The following IMMP2L variants were observed in gnomAD, a reference collection of about 807,000 sequenced individuals.
IMMP2L encodes mitochondrial inner membrane protease subunit 2.
A neutral mutation model predicts 19.3 loss-of-function variants in IMMP2L; 18 were observed. That is an observed-to-expected ratio of 0.93 (90% confidence interval 0.64 to 1.38). The LOEUF (loss-of-function observed/expected upper bound fraction) is 1.38. Ranked by LOEUF, IMMP2L falls within the 40% of genes most tolerant of loss-of-function variation. The pLI is 0.00. For synonymous variants in IMMP2L, 76 were observed against 73.0 expected (o/e 1.04, Z -0.21); for missense variants, 233 against 218.2 (o/e 1.07, Z -0.43).
At chr7:110,699,738 A>C (rs1357694415) in intron 5 of IMMP2L, among the ~76,000 whole-genome samples, 1 of 148,214 alleles carries the variant, frequency 6.7e-6, no homozygotes, top group Middle Eastern at 3.2e-3. Context: ...ACTGCACTTC[A>C]GTCTGGGTGA....
chr7:111,178,308 A>G (rs962592022), intron 3 of IMMP2L, among the ~76,000 whole-genome samples: 1 of 152,102 alleles, frequency 6.6e-6, no homozygotes, highest in African/African-American at 2.4e-5. Flanking sequence ...TCTGTTGCTA[A>G]AAAAATGCTA....
chr7:111,239,404 A>C (rs191929175), intron 3 of IMMP2L, among the ~76,000 whole-genome samples: 13 of 152,012 alleles, frequency 8.6e-5, no homozygotes, highest in Non-Finnish European at 1.2e-4. Context: ...CTTTCGATAA[A>C]ATTTGAATTT....
chr7:111,448,943 A>C (rs1838830452), intron 3 of IMMP2L, among the ~76,000 whole-genome samples: 1 of 148,112 alleles, frequency 6.8e-6, no homozygotes, highest in Non-Finnish European at 1.5e-5. Context: ...CTACGCAAAT[A>C]AACTAGAAAA....
intron 3 of IMMP2L, among the ~76,000 whole-genome samples, chr7:111,315,636 A>G (rs759318196): frequency 3.3e-5 from 5 of 151,988 alleles, no homozygotes; most frequent in Non-Finnish European, 4.4e-5. Flanking sequence ...AATCATAGTA[A>G]TACCTTCCTC....
At chr7:110,918,854 GTCTT>G (rs1428580419) in intron 4 of IMMP2L, among the ~76,000 whole-genome samples, 1 of 152,106 alleles carries the variant, frequency 6.6e-6, no homozygotes, top group Non-Finnish European at 1.5e-5. Flanking sequence ...AAGAAAATAA[GTCTT>G]TATCAAAATA....
At chr7:111,556,548 T>C (rs1644632016) in intron 1 of IMMP2L, among the ~76,000 whole-genome samples, 1 of 152,030 alleles carries the variant, frequency 6.6e-6, no homozygotes. Context: ...TATTCAGTCC[T>C]TTACCCACAG....
chr7:111,006,633 C>T (rs760801473), intron 3 of IMMP2L, among the ~76,000 whole-genome samples: 13 of 152,142 alleles, frequency 8.5e-5, no homozygotes, highest in Non-Finnish European at 1.9e-4. Flanking sequence ...ATAGTCCTTG[C>T]TAACATCAAG....
chr7:110,862,588 C>T (rs1807561765), intron 5 of IMMP2L, among the ~76,000 whole-genome samples: 2 of 151,640 alleles, frequency 1.3e-5, no homozygotes, highest in South Asian at 2.1e-4. Context: ...TCAAGTGATC[C>T]TCCTGCCTCA....
chr7:111,382,315 A>G (rs749498821), intron 3 of IMMP2L, among the ~76,000 whole-genome samples: 14 of 151,474 alleles, frequency 9.2e-5, no homozygotes, highest in Non-Finnish European at 2.1e-4. Context: ...AGAAAAGTAC[A>G]TAATTTCAGA....
chr7:111,134,219 T>C (rs1476257831), intron 3 of IMMP2L, among the ~76,000 whole-genome samples: 1 of 152,078 alleles, frequency 6.6e-6, no homozygotes, highest in Non-Finnish European at 1.5e-5. Context: ...TGTGTCTAAT[T>C]TCCTTAGACT....
chr7:110,721,148 G>A (rs923095712), intron 5 of IMMP2L, among the ~76,000 whole-genome samples: 3 of 151,874 alleles, frequency 2.0e-5, no homozygotes, highest in South Asian at 4.2e-4. Flanking sequence ...GAGTAGCTTC[G>A]TACACTGACC....
intron 3 of IMMP2L, among the ~76,000 whole-genome samples, chr7:111,198,161 T>C (rs1809705228): frequency 1.3e-5 from 2 of 152,078 alleles, no homozygotes; most frequent in Non-Finnish European, 1.5e-5. Context: ...AATGGGAAAA[T>C]AAAGACAGAC....
At chr7:111,344,105 T>G (rs1379134156) in intron 3 of IMMP2L, among the ~76,000 whole-genome samples, 1 of 152,142 alleles carries the variant, frequency 6.6e-6, no homozygotes, top group Non-Finnish European at 1.5e-5. Context: ...CCATCCAATT[T>G]ATTTTAATAT....
intron 3 of IMMP2L, among the ~76,000 whole-genome samples, chr7:111,209,533 C>T (rs1290290071): frequency 1.3e-5 from 2 of 152,054 alleles, no homozygotes; most frequent in East Asian, 3.9e-4. Context: ...TTTCTCTAGC[C>T]TAAATGCCAC....
At chr7:110,785,000 T>C (rs903206751) in intron 5 of IMMP2L, among the ~76,000 whole-genome samples, 3 of 151,966 alleles carry the variant, frequency 2.0e-5, no homozygotes, top group Non-Finnish European at 2.9e-5. Context: ...TAAAACATGG[T>C]ATTAGAAATT....
chr7:111,283,433 G>A (rs1820121620), intron 3 of IMMP2L, among the ~76,000 whole-genome samples: 1 of 152,170 alleles, frequency 6.6e-6, no homozygotes, highest in Admixed American at 6.5e-5. Context: ...GGCAAAGACA[G>A]GGAGAAAGAA....
At chr7:111,062,655 C>T (rs997134802) in intron 3 of IMMP2L, among the ~76,000 whole-genome samples, 1 of 152,330 alleles carries the variant, frequency 6.6e-6, no homozygotes, top group East Asian at 1.9e-4. Flanking sequence ...TTCCTAGATA[C>T]AATGGCGGTA....
intron 3 of IMMP2L, among the ~76,000 whole-genome samples, chr7:111,313,474 TA>T (rs1563047061): frequency 3.9e-5 from 6 of 152,190 alleles, no homozygotes; most frequent in African/African-American, 1.4e-4. Context: ...TTTTATCTTC[TA>T]ACCATTTATA....
At chr7:110,997,668 A>AT (rs943120282) in intron 3 of IMMP2L, among the ~76,000 whole-genome samples, 5 of 151,408 alleles carry the variant, frequency 3.3e-5, no homozygotes, top group African/African-American at 9.7e-5. Context: ...CTTTTCAGTG[A>AT]TTTTTTTTCT....
Sources: gnomAD v4.1 joint callset for allele counts (sites outside exome capture counted in the v4.1 genomes callset) on GRCh38, gnomAD v4.1.1 for gene constraint, MANE v1.5 for transcripts, NCBI Gene and HGNC (gene_info 2026-07-23, HGNC 2026-07-21) for gene names.